Variants in PCDHGA11 observed in about 807,000 individuals in gnomAD.
PCDHGA11 encodes the protein protocadherin gamma-A11.
PCDHGA11 carries 39 observed loss-of-function variants against 60.4 expected under a neutral mutation model. That is an observed-to-expected ratio of 0.65 (90% CI 0.50 to 0.84). The LOEUF is 0.84. PCDHGA11 is among the 40% of genes least tolerant of loss of function. The pLI is 0.00. For synonymous variants in PCDHGA11, 533 were observed against 510.3 expected (o/e 1.04, Z -0.60); for missense variants, 1,165 against 1,197.7 (o/e 0.97, Z 0.40).
intron 1 of PCDHGA11, chr5:141,424,529 A>G (rs1308118953): frequency 6.6e-6 from 1 of 152,218 alleles, no homozygotes; most frequent in Non-Finnish European, 1.5e-5. Context: ...AAATCCATAT[A>G]TAGAAATAAC....
intron 1 of PCDHGA11, among the ~76,000 whole-genome samples, chr5:141,438,591 CATATAT>C (rs946798767): frequency 1.2e-3 from 91 of 75,538 alleles, no homozygotes; most frequent in Non-Finnish European, 1.7e-3. Flanking sequence ...TACATACATA[CATATAT>C]ATATATATAT....
At chr5:141,435,215 C>G (rs4912753) in intron 1 of PCDHGA11, among the ~76,000 whole-genome samples, 81,908 of 151,924 alleles carry the variant, frequency 0.54, 24,122 homozygotes, top group African/African-American at 0.79. Flanking sequence ...AGTGAATTTA[C>G]TTTCTTTCAA....
In PCDHGA11 at chr5:141,422,174, A is replaced by G. The variant is rs763681065; in HGVS notation, c.947A>G (p.Tyr316Cys). 5.1e-6 allele frequency: 8 copies of G among 1,564,176 alleles called. No individual in the cohort carries two copies. The highest frequency in any genetic ancestry group is 2.8e-5 in the African/African-American group (2 of 72,640). Residue 316 changes from tyrosine to cysteine, a missense_variant, in exon 1 of 4, where the codon TAT (tyrosine) becomes TGT (cysteine). Tyr to Cys is a radical substitution (Grantham distance 194, BLOSUM62 -2). Coordinates refer to ENST00000398587, the MANE Select transcript of PCDHGA11 (RefSeq NM_018914.3). ...CTGGATTTTGAAAAATATAGATTCTATGAGATGGAAATTCAAGGCCAAGAT... is the reference window on the plus strand; with the variant it reads ...CTGGATTTTGAAAAATATAGATTCTGTGAGATGGAAATTCAAGGCCAAGAT... ...GSLDFEKYRF[Y>C]EMEIQGQDGG...
Position 141,432,044 on chromosome 5 carries a change from A to T in PCDHGA11, c.2433+8384A>T. 6.2e-7 allele frequency: 1 copy of T among 1,613,886 alleles called. No individual in the cohort carries two copies. Among genetic ancestry groups the T allele is most frequent in the Non-Finnish European group, 8.5e-7 (1 of 1,179,922 alleles). ...CACAGTGACCGCCACTGACCGGGGA[A>T]CCCCGCCCCTATCCACGGAAACTCA... On this transcript the variant is annotated intron_variant, in intron 1 of 3. Coordinates refer to ENST00000398587, the MANE Select transcript of PCDHGA11 (RefSeq NM_018914.3). This position sits in a 1 kb window ranked among gnomAD's most constrained non-coding sequence, Gnocchi z 6.0.
rs1464357405 is a variant in PCDHGA11 at position 141,476,385 on chromosome 5, A to G, written c.2434-18422A>G. On this transcript the variant is annotated intron_variant, in intron 1 of 3. Coordinates refer to ENST00000398587, the MANE Select transcript of PCDHGA11 (RefSeq NM_018914.3). The surrounding 1 kb of genome is among the most constrained non-coding windows in gnomAD (Gnocchi z 7.6). ...GAGACCGGAGAGATGTTTGTGAACG[A>G]CCGTCTGGATCGAGAGGAGCTGTGT... The G allele has an allele frequency of 4.3e-6, 7 of 1,614,062 alleles. No homozygotes were observed. The highest frequency in any genetic ancestry group is 5.9e-6 in the Non-Finnish European group (7 of 1,180,020).
Position 141,421,924 on chromosome 5 carries a change from G to A in PCDHGA11, c.697G>A (p.Val233Ile). 6.2e-7 allele frequency: 1 copy of A among 1,613,564 alleles called. No individual in the cohort carries two copies. The highest frequency in any genetic ancestry group is 1.1e-5 in the South Asian group (1 of 91,056). Residue 233 changes from valine (V) to isoleucine (I), a missense_variant, in exon 1 of 4, where the codon GTC becomes ATC. Physicochemically the swap from Val to Ile is conservative, Grantham distance 29. Coordinates refer to ENST00000398587, the MANE Select transcript of PCDHGA11 (RefSeq NM_018914.3). ...RKGAVPIRVV[V>I]LDVNDHIPMF... is the part of the protein sequence containing the mutation. ...GGGCGCAGTTCCCATTCGTGTGGTG[G>A]TCCTCGATGTAAATGATCACATCCC...
chr5:141,494,449 G>A (rs185095384), intron 1 of PCDHGA11, among the ~76,000 whole-genome samples: 2 of 152,254 alleles, frequency 1.3e-5, no homozygotes, highest in East Asian at 3.9e-4. Flanking sequence ...CACTTTAGGG[G>A]GCTTTGTCTG....
intron 1 of PCDHGA11, among the ~76,000 whole-genome samples, chr5:141,437,923 A>G (rs893873818): frequency 2.0e-5 from 3 of 152,110 alleles, no homozygotes; most frequent in African/African-American, 7.2e-5. Context: ...TTTTTAGTAG[A>G]GATGGGGTTT....
chr5:141,433,406 T>TC (rs397794347), intron 1 of PCDHGA11, among the ~76,000 whole-genome samples: 446 of 150,100 alleles, frequency 3.0e-3, no homozygotes, highest in African/African-American at 0.01. Context: ...TATCTATCTA[T>TC]TACTTTCTTG....
intron 1 of PCDHGA11, chr5:141,427,757 C>A: frequency 7.5e-7 from 1 of 1,340,702 alleles, no homozygotes; most frequent in Non-Finnish European, 1.1e-6. Flanking sequence ...CCATCGTTAC[C>A]ACTGACTTGG....
rs759899934 is a variant in PCDHGA11, at chr5:141,421,255, C to G, written c.28C>G (p.Arg10Gly). The stretch of plus-strand genomic sequence containing the variant: ...GGCGAATCGGCTACAGCGCGGGGAC[C>G]GCAGTCGGCTGCTGCTGCTGCTGTG... MANRLQRGD[R>G]SRLLLLLCIF... The change falls in exon 1 of 4, where the codon CGC becomes GGC. Residue 10 changes from arginine to glycine, a missense_variant. Arg to Gly is a moderately radical substitution (Grantham distance 125). Coordinates refer to ENST00000398587, the MANE Select transcript of PCDHGA11 (RefSeq NM_018914.3). The G allele has an allele frequency of 6.0e-5, 97 of 1,607,644 alleles. No individual in the cohort carries two copies. Among genetic ancestry groups the G allele is most frequent in the Middle Eastern group, 3.3e-4 (2 of 6,058 alleles).
rs1207371456 is a variant in PCDHGA11 at position 141,487,371 on chromosome 5, G to A, written c.2434-7436G>A. On this transcript the variant is annotated intron_variant, in intron 1 of 3. Transcript: ENST00000398587. The surrounding 1 kb of genome is among the most constrained non-coding windows in gnomAD (Gnocchi z 5.0). ...TGCTTTCCTGCTGGCACCTGTGCCT[G>A]TCTCACCAGATCTCGAAGGAGGGAG... The A allele has an allele frequency of 4.3e-6, 7 of 1,614,076 alleles. No individual in the cohort carries two copies. In the Admixed American group the frequency reaches 5.0e-5, roughly 12 times the overall value.
In PCDHGA11 at chr5:141,432,866, G is replaced by C. The variant is rs139832920; in HGVS notation, c.2433+9206G>C. 8 of 1,614,152 alleles carry C rather than the reference G, an allele frequency of 5.0e-6. No individual in the cohort carries two copies. Among genetic ancestry groups the C allele is most frequent in the South Asian group, 2.2e-5 (2 of 91,074 alleles). On this transcript the variant is annotated intron_variant, in intron 1 of 3. Coordinates refer to ENST00000398587, the MANE Select transcript of PCDHGA11 (RefSeq NM_018914.3). The surrounding 1 kb of genome is among the most constrained non-coding windows in gnomAD (Gnocchi z 6.0). ...GGTAGCGGTGGCCGCGGTCTCCTGC[G>C]TCTTCCTGGCCTTCGTCATCTTGCT...
intron 1 of PCDHGA11, among the ~76,000 whole-genome samples, chr5:141,460,912 G>GTGTATATATA (rs145509489): frequency 6.7e-6 from 1 of 149,236 alleles, no homozygotes; most frequent in Non-Finnish European, 1.5e-5. Flanking sequence ...ATTCCATGGT[G>GTGTATATATA]TATATATATA....
chr5:141,484,716 G>C (rs1375103858), intron 1 of PCDHGA11, among the ~76,000 whole-genome samples: 1 of 152,030 alleles, frequency 6.6e-6, no homozygotes, highest in African/African-American at 2.4e-5. Context: ...CGCCGAAAAG[G>C]GGCGGGGTCA....
chr5:141,451,993 C>G (rs1235806360), intron 1 of PCDHGA11, among the ~76,000 whole-genome samples: 4 of 152,164 alleles, frequency 2.6e-5, no homozygotes, highest in African/African-American at 7.2e-5. Context: ...TCATTAGAAG[C>G]AAAATCACTT....
Position 141,421,265 on chromosome 5 carries a change from T to G in PCDHGA11, c.38T>G (p.Leu13Arg), listed in dbSNP as rs2154549151. ...NRLQRGDRSR[L>R]LLLLCIFLGT... ...CTACAGCGCGGGGACCGCAGTCGGC[T>G]GCTGCTGCTGCTGTGCATTTTCCTG... The change falls in exon 1 of 4, where the codon CTG becomes CGG. Residue 13 changes from leucine to arginine, a missense_variant. Leu to Arg is a moderately radical substitution (Grantham distance 102). Transcript: ENST00000398587. 6.3e-7 allele frequency: 1 copy of G among 1,596,914 alleles called. No homozygotes were observed. The highest frequency in any genetic ancestry group is 8.5e-7 in the Non-Finnish European group (1 of 1,171,588).
chr5:141,483,903 G>C (rs1167942546), intron 1 of PCDHGA11, among the ~76,000 whole-genome samples: 1 of 151,282 alleles, frequency 6.6e-6, no homozygotes, highest in Admixed American at 6.6e-5. Context: ...GCTCTGGTGT[G>C]TTTCCCACTC....
chr5:141,465,950 A>G (rs570810183), intron 1 of PCDHGA11, among the ~76,000 whole-genome samples: 2 of 152,102 alleles, frequency 1.3e-5, no homozygotes, highest in African/African-American at 4.8e-5. Flanking sequence ...GTGAAACCCC[A>G]TCTCTACTAA....
Sources: gnomAD v4.1 joint callset for allele counts (sites outside exome capture counted in the v4.1 genomes callset) on GRCh38, gnomAD v4.1.1 for gene constraint, Gnocchi (gnomAD v3.1) non-coding constraint, MANE v1.5 for transcripts, NCBI Gene and HGNC (gene_info 2026-07-23, HGNC 2026-07-21) for gene names.